Variants in IL18RAP observed in about 807,000 individuals in gnomAD.
IL18RAP encodes interleukin 18 receptor accessory protein.
In IL18RAP, 37 loss-of-function variants were observed where a neutral mutation model predicts 58.1. The observed-to-expected ratio is 0.64, with a 90% CI of 0.49 to 0.84. The LOEUF (loss-of-function observed/expected upper bound fraction) is 0.84. Ranked by LOEUF, IL18RAP falls within the 40% of genes least tolerant of loss-of-function variation. IL18RAP has a pLI of 0.00. For synonymous variants in IL18RAP, 268 were observed against 257.5 expected (o/e 1.04, Z -0.39); for missense variants, 667 against 704.8 (o/e 0.95, Z 0.61).
At chr2:102,419,819 TG>T (rs1280583440), upstream of IL18RAP, 1 of 152,288 alleles carries the variant, frequency 6.6e-6, no homozygotes, top group Non-Finnish European at 1.5e-5. Context: ...TCATTGAGAA[TG>T]GGCACTGCCA....
At chr2:102,443,412 G>A in intron 6 of IL18RAP, 89 bp downstream of exon 6, 2 of 1,432,274 alleles carry the variant, frequency 1.4e-6, no homozygotes, top group Non-Finnish European at 1.9e-6. Flanking sequence ...AGTTGATGGT[G>A]TAGCCACCAG....
At position 102,443,314 on chromosome 2, in the gene IL18RAP, A is replaced by T. The variant is rs376399504; in HGVS notation, c.911A>T (p.Glu304Val). The T allele has an allele frequency of 1.6e-5, 26 of 1,611,982 alleles. No individual in the cohort carries two copies. The highest frequency in any genetic ancestry group is 2.1e-5 in the Non-Finnish European group (25 of 1,179,632). ...CTAGAGTGGGAAGTCTCAGTACCTGAGGCGAAAAGGTAAGAAAAAAACTCA... is the reference window on the plus strand; with the variant it reads ...CTAGAGTGGGAAGTCTCAGTACCTGTGGCGAAAAGGTAAGAAAAAAACTCA... ...SDLEWEVSVPEAKSIKSTLKD... is the reference protein window; with the variant it reads ...SDLEWEVSVPVAKSIKSTLKD... Residue 304 changes from glutamate (E) to valine (V), a missense_variant, in exon 6 of 10, where the codon GAG becomes GTG. Glu to Val is a moderately radical substitution (Grantham distance 121). Coordinates refer to ENST00000687160, the MANE Select transcript of IL18RAP (RefSeq NM_001393487.1).
chr2:102,420,571 T>G (rs1681512927), upstream of IL18RAP, among the ~76,000 whole-genome samples: 1 of 152,212 alleles, frequency 6.6e-6, no homozygotes, highest in Non-Finnish European at 1.5e-5. Flanking sequence ...CTGCTGGGCA[T>G]CGTGGTAACT....
chr2:102,445,568 G>C (rs900405934), intron 7 of IL18RAP, among the ~76,000 whole-genome samples: 3 of 152,206 alleles, frequency 2.0e-5, no homozygotes. Flanking sequence ...AATAGTCTGC[G>C]TTTGGGAGGC....
chr2:102,434,404 T>C (rs1385564044), intron 3 of IL18RAP: 1 of 152,046 alleles, frequency 6.6e-6, no homozygotes, highest in African/African-American at 2.4e-5. Flanking sequence ...TTCTGTTAAA[T>C]AATTTGTTGT....
chr2:102,447,546 T>C (rs1176211544), intron 8 of IL18RAP, among the ~76,000 whole-genome samples: 2 of 152,108 alleles, frequency 1.3e-5, no homozygotes. Context: ...GACTTAAAAA[T>C]AATCCCTCTA....
At chr2:102,423,398 A>G (rs771552370) in intron 1 of IL18RAP, 51 bp downstream of exon 1, 2 of 1,415,358 alleles carry the variant, frequency 1.4e-6, no homozygotes, top group Non-Finnish European at 2.0e-6. Flanking sequence ...GGTCAAGTGT[A>G]AAGTGATGGA....
chr2:102,447,584 G>A (rs577987090), intron 8 of IL18RAP, among the ~76,000 whole-genome samples: 1 of 152,216 alleles, frequency 6.6e-6, no homozygotes, highest in South Asian at 2.1e-4. Flanking sequence ...TAGGGCAAAT[G>A]AGTGAATATC....
intron 3 of IL18RAP, among the ~76,000 whole-genome samples, chr2:102,424,753 G>A (rs1681826149): frequency 6.6e-6 from 1 of 152,124 alleles, no homozygotes. Context: ...AAAGCAACAG[G>A]CATTGCAAAG....
chr2:102,426,330 A>AT (rs1681939719), intron 3 of IL18RAP, among the ~76,000 whole-genome samples: 1 of 152,164 alleles, frequency 6.6e-6, no homozygotes, highest in African/African-American at 2.4e-5. Context: ...CACCAGATAT[A>AT]CAGAGTATAC....
intron 9 of IL18RAP, among the ~76,000 whole-genome samples, 163 bp from the exon 10 acceptor site, chr2:102,451,603 A>G (rs944609220): frequency 2.0e-5 from 3 of 152,238 alleles, no homozygotes; most frequent in Non-Finnish European, 2.9e-5. Flanking sequence ...GAGGGTCACT[A>G]GACACTGGAG....
At position 102,423,996 on chromosome 2, in the gene IL18RAP, C is replaced by A. The variant is rs763700480; in HGVS notation, c.256C>A (p.Gln86Lys). 1.5e-5 allele frequency: 25 copies of A among 1,613,904 alleles called. No individual in the cohort carries two copies. The highest frequency in any genetic ancestry group is 1.9e-5 in the Non-Finnish European group (22 of 1,179,992). ...SNDLSDVQWY[Q>K]QPSNGDPLED... ...CGACCTATCTGATGTCCAATGGTAC[C>A]AACAACCTTCGAATGGAGATCCATT... Residue 86 changes from glutamine (Q) to lysine (K), a missense_variant, in exon 2 of 10, where the codon CAA becomes AAA. Gln to Lys is a moderately conservative substitution (Grantham distance 53). Transcript: ENST00000687160.
intron 3 of IL18RAP, 62 bp from the exon 4 acceptor site, chr2:102,437,150 G>T: frequency 2.7e-6 from 4 of 1,478,154 alleles, no homozygotes; most frequent in Non-Finnish European, 3.7e-6. Flanking sequence ...TTTTCTTTAG[G>T]TATGTATTTC....
chr2:102,436,819 G>GTATATATA (rs751056931), intron 3 of IL18RAP, among the ~76,000 whole-genome samples: 32,372 of 149,568 alleles, frequency 0.22, 4,077 homozygotes, highest in East Asian at 0.39. Flanking sequence ...GTGTGTGTGT[G>GTATATATA]TATATATATA....
At chr2:102,443,153 A>G (rs1558651) in intron 5 of IL18RAP, 47 bp from the exon 6 acceptor site, 1,580,071 of 1,580,270 alleles carry the variant, frequency 1, 789,936 homozygotes, top group Middle Eastern at 1. Flanking sequence ...AGGACAAAGT[A>G]TTCTCACCAG....
At chr2:102,438,164 C>T (rs1573287386) in intron 4 of IL18RAP, among the ~76,000 whole-genome samples, 1 of 152,134 alleles carries the variant, frequency 6.6e-6, no homozygotes, top group South Asian at 2.1e-4. Context: ...TGTTTTTGTC[C>T]TAACCTTTCC....
Position 102,452,185 on chromosome 2 carries a change from G to A in IL18RAP, c.*4G>A. On this transcript the variant is annotated 3_prime_UTR_variant, in exon 10 of 10. Transcript: ENST00000687160. Reference sequence around the variant, plus strand: ...CTCCCAGCCTAAGGAATGGTGAAATGAGCCCTGGAGCCCCCTCCAGTCCAG... The same window carrying A: ...CTCCCAGCCTAAGGAATGGTGAAATAAGCCCTGGAGCCCCCTCCAGTCCAG... The A allele has an allele frequency of 6.3e-7, 1 of 1,588,578 alleles. No homozygotes were observed. Among genetic ancestry groups the A allele is most frequent in the Non-Finnish European group, 8.6e-7 (1 of 1,168,524 alleles).
At chr2:102,436,454 A>C (rs1573283832) in intron 3 of IL18RAP, among the ~76,000 whole-genome samples, 1 of 152,192 alleles carries the variant, frequency 6.6e-6, no homozygotes, top group East Asian at 1.9e-4. Context: ...CCACAGCTGC[A>C]CTTCTCTGGC....
intron 3 of IL18RAP, chr2:102,432,391 T>C (rs1470118457): frequency 1.3e-5 from 2 of 154,196 alleles, no homozygotes; most frequent in Non-Finnish European, 2.9e-5. Context: ...GTGTCTTCCA[T>C]TCACCCACAA....
Sources: gnomAD v4.1 joint callset for allele counts (sites outside exome capture counted in the v4.1 genomes callset) on GRCh38, gnomAD v4.1.1 for gene constraint, MANE v1.5 for transcripts, NCBI Gene and HGNC (gene_info 2026-07-23, HGNC 2026-07-21) for gene names.